TNKS: variants seen among roughly 807,000 people sequenced by gnomAD.
TNKS encodes the protein poly [ADP-ribose] polymerase tankyrase-1.
TNKS carries 72 observed loss-of-function variants against 135.8 expected under a neutral mutation model. The observed-to-expected ratio is 0.53, with a 90% CI of 0.44 to 0.64. The LOEUF (loss-of-function observed/expected upper bound fraction) is 0.64, where lower values mean the gene tolerates loss of function less well. Among genes scored for constraint, TNKS ranks in the 30% least tolerant of loss-of-function variants. TNKS has a pLI of 0.00. For missense variants in TNKS, 1,769 were observed against 1,674.0 expected (o/e 1.06, Z -0.99); for synonymous variants, 849 against 649.3 (o/e 1.31, Z -4.68).
In TNKS at chr8:9,706,933, C is replaced by G. The variant is rs1403294352; in HGVS notation, c.1392C>G (p.Val464=). Residue 464 remains valine (V), a synonymous_variant, in exon 8 of 27, where the codon GTC becomes GTG. Coordinates refer to ENST00000310430, the MANE Select transcript of TNKS (RefSeq NM_003747.3). ...LLSHGADPTL[V]NCHGKSAVDM... ...GCCATGGCGCTGATCCTACATTAGT[C>G]AACTGCCATGGCAAAAGTGCTGTGG... 1 of 1,613,774 alleles carries G rather than the reference C, an allele frequency of 6.2e-7. No homozygotes were observed. Among genetic ancestry groups the G allele is most frequent in the Non-Finnish European group, 8.5e-7 (1 of 1,179,852 alleles).
intron 2 of TNKS, among the ~76,000 whole-genome samples, chr8:9,583,992 G>A (rs1410545194): frequency 3.3e-5 from 5 of 151,276 alleles, no homozygotes; most frequent in Non-Finnish European, 7.4e-5. Flanking sequence ...GTGAAACACC[G>A]TCTCTACTAA....
intron 3 of TNKS, among the ~76,000 whole-genome samples, chr8:9,649,900 TTTTTTTTG>T (rs1281697165): frequency 3.3e-5 from 4 of 123,044 alleles, no homozygotes; most frequent in Non-Finnish European, 5.1e-5. Flanking sequence ...TTTTTTTTTT[TTTTTTTTG>T]AGATGGAGCC....
chr8:9,652,585 T>C (rs535433449), intron 3 of TNKS, among the ~76,000 whole-genome samples: 2 of 152,332 alleles, frequency 1.3e-5, no homozygotes, highest in East Asian at 3.9e-4. Context: ...AGAAATCTGT[T>C]TTCTCAGCTT....
At chr8:9,756,188 CAAATTCTTG>C (rs1806825822) in intron 20 of TNKS, among the ~76,000 whole-genome samples, 1 of 152,078 alleles carries the variant, frequency 6.6e-6, no homozygotes, top group African/African-American at 2.4e-5. Context: ...ATTTTGATTT[CAAATTCTTG>C]AAGACAAAAG....
chr8:9,579,256 C>A (rs1195345931), intron 1 of TNKS, among the ~76,000 whole-genome samples: 1 of 152,128 alleles, frequency 6.6e-6, no homozygotes, highest in Non-Finnish European at 1.5e-5. Flanking sequence ...TTGAATTGTT[C>A]CAGTTCACCA....
At chr8:9,625,177 C>G (rs996872061) in intron 3 of TNKS, among the ~76,000 whole-genome samples, 1 of 152,038 alleles carries the variant, frequency 6.6e-6, no homozygotes, top group Non-Finnish European at 1.5e-5. Flanking sequence ...AGGAATTGGT[C>G]AATTTCATCT....
chr8:9,593,556 C>A (rs1436768136), intron 2 of TNKS, among the ~76,000 whole-genome samples: 2 of 152,068 alleles, frequency 1.3e-5, no homozygotes, highest in Non-Finnish European at 2.9e-5. Flanking sequence ...TTCACCAAAC[C>A]CCCTTCCCCC....
In TNKS at chr8:9,690,647, C is replaced by T. The variant is rs149365453; in HGVS notation, c.1107+9847C>T. Among the ~76,000 whole-genome samples the T allele has an allele frequency of 5.0e-4, 76 of 152,004 alleles. No individual in the cohort carries two copies. The East Asian group carries it at 0.011, about 22-fold the overall frequency. ...GCAGGCACCTATAATCCTAGCTACA[C>T]GGGAGGCTGAGGCAGGAGAATCATT... On this transcript the variant is annotated intron_variant, in intron 5 of 26. Coordinates refer to ENST00000310430, the MANE Select transcript of TNKS (RefSeq NM_003747.3).
At position 9,655,519 on chromosome 8, in the gene TNKS, G is replaced by A. The variant is rs188297258; in HGVS notation, c.995-24432G>A. Among the ~76,000 whole-genome samples the A allele has an allele frequency of 1.0e-3, 156 of 152,256 alleles. 3 individuals are homozygous for A. The highest frequency in any genetic ancestry group is 3.7e-3 in the Admixed American group (56 of 15,296). On this transcript the variant is annotated intron_variant, in intron 3 of 26. Transcript: ENST00000310430. The stretch of plus-strand genomic sequence containing the variant: ...GTAGGGGCGCACTGACACTTCACAC[G>A]GCTGGGTACTCCTCTGAGACAAAAC...
intron 2 of TNKS, among the ~76,000 whole-genome samples, chr8:9,586,998 A>G (rs1424236436): frequency 6.6e-6 from 1 of 152,174 alleles, no homozygotes. Flanking sequence ...ACTTTTTATA[A>G]GAAGTTACAT....
At chr8:9,671,216 C>T (rs1473833226) in intron 3 of TNKS, 1 of 152,082 alleles carries the variant, frequency 6.6e-6, no homozygotes, top group Non-Finnish European at 1.5e-5. Flanking sequence ...TAAACAGATA[C>T]TTATGATATA....
chr8:9,603,534 A>G (rs533931809), intron 2 of TNKS, among the ~76,000 whole-genome samples: 5 of 152,244 alleles, frequency 3.3e-5, no homozygotes, highest in African/African-American at 2.4e-5. Context: ...CCACACAACC[A>G]TTACTTCTAA....
chr8:9,717,101 A>ATATATATATATTTTTT (rs1454492300), intron 11 of TNKS, among the ~76,000 whole-genome samples: 3 of 119,336 alleles, frequency 2.5e-5, no homozygotes, highest in Admixed American at 1.7e-4. Flanking sequence ...ATATATATAT[A>ATATATATATATTTTTT]TTTTCAGGGA....
intron 5 of TNKS, among the ~76,000 whole-genome samples, chr8:9,691,536 T>C (rs1217594317): frequency 6.6e-6 from 1 of 152,172 alleles, no homozygotes; most frequent in Admixed American, 6.5e-5. Flanking sequence ...AAATTAGAAA[T>C]GCAGAATGAG....
At chr8:9,699,592 G>T (rs900609352) in intron 5 of TNKS, among the ~76,000 whole-genome samples, 6 of 152,198 alleles carry the variant, frequency 3.9e-5, no homozygotes, top group African/African-American at 1.4e-4. Flanking sequence ...ATTCACATGG[G>T]AATGATGACT....
intron 1 of TNKS, chr8:9,558,750 T>G (rs1026989495): frequency 6.6e-6 from 1 of 152,186 alleles, no homozygotes; most frequent in African/African-American, 2.4e-5. Flanking sequence ...TATGACAAGC[T>G]AACCTTGAAT....
chr8:9,586,763 A>T (rs868478661), intron 2 of TNKS, among the ~76,000 whole-genome samples: 1 of 112,250 alleles, frequency 8.9e-6, no homozygotes, highest in Non-Finnish European at 1.9e-5. Context: ...GTGTGTGTGT[A>T]TGAAGTTAGG....
At chr8:9,557,999 C>T (rs1257487647) in intron 1 of TNKS, 1 of 152,028 alleles carries the variant, frequency 6.6e-6, no homozygotes, top group Non-Finnish European at 1.5e-5. Flanking sequence ...TGTAGAGTTC[C>T]CAATTTTTGG....
chr8:9,736,567 T>C (rs1295738913), intron 17 of TNKS, among the ~76,000 whole-genome samples: 2 of 141,632 alleles, frequency 1.4e-5, no homozygotes, highest in Admixed American at 1.5e-4. Context: ...CCATCTTGAA[T>C]TGATTTTTGT....
Sources: allele counts gnomAD v4.1 joint callset (sites outside exome capture counted in the v4.1 genomes callset), GRCh38; gene constraint gnomAD v4.1.1; transcripts MANE v1.5; gene names NCBI Gene and HGNC (gene_info 2026-07-23, HGNC 2026-07-21).